ANP32A: variants seen among roughly 807,000 people sequenced by gnomAD.
ANP32A encodes acidic leucine-rich nuclear phosphoprotein 32 family member A.
Under a neutral mutation model 33.9 loss-of-function variants are expected in ANP32A, and 1 was observed. That is an observed-to-expected ratio of 0.03 (90% CI 0.01 to 0.14). The LOEUF is 0.14. Ranked by LOEUF, ANP32A falls within the 10% of genes least tolerant of loss-of-function variation. The pLI is 1.00. For synonymous variants in ANP32A, 115 were observed against 120.5 expected (o/e 0.95, Z 0.30); for missense variants, 155 against 306.0 (o/e 0.51, Z 3.68).
At chr15:68,820,115 C>G (rs1041758325) in intron 1 of ANP32A, among the ~76,000 whole-genome samples, 16 of 152,190 alleles carry the variant, frequency 1.1e-4, no homozygotes, top group African/African-American at 3.9e-4. Flanking sequence ...ACGCGCTCTC[C>G]CCGGGGGCCT....
rs1315731319 is a variant in ANP32A, at chr15:68,780,479, A to G, written c.625-6T>C. On this transcript the variant is annotated splice_region_variant and splice_polypyrimidine_tract_variant and intron_variant, in intron 5 of 6. Transcript: ENST00000465139. The surrounding 1 kb of genome is among the most constrained non-coding windows in gnomAD (Gnocchi z 4.3). The stretch of plus-strand genomic sequence containing the variant: ...TTATAACCTTCTTCATCCTCCTAGG[A>G]GAAAGGACAGACACCAGAACATTAG... 5 of 1,613,924 alleles carry G rather than the reference A, an allele frequency of 3.1e-6. No individual in the cohort carries two copies. Among genetic ancestry groups the G allele is most frequent in the Non-Finnish European group, 4.2e-6 (5 of 1,179,866 alleles).
chr15:68,784,343 G>T, intron 4 of ANP32A, 54 bp downstream of exon 4: 3 of 1,565,538 alleles, frequency 1.9e-6, no homozygotes, highest in Non-Finnish European at 1.7e-6. Context: ...CCAAGGACGA[G>T]CCCCAAGGCC....
intron 1 of ANP32A, among the ~76,000 whole-genome samples, chr15:68,797,677 T>G (rs944762392): frequency 6.6e-6 from 1 of 152,172 alleles, no homozygotes; most frequent in Non-Finnish European, 1.5e-5. Flanking sequence ...TGACATCACT[T>G]GGCATTGCAT....
chr15:68,805,015 G>T (rs990704982), intron 1 of ANP32A, among the ~76,000 whole-genome samples: 1 of 152,054 alleles, frequency 6.6e-6, no homozygotes, highest in African/African-American at 2.4e-5. Context: ...GGAGAGGTGG[G>T]GTCTGCTGCT....
In ANP32A at chr15:68,784,506, G is replaced by A. The variant is rs750331335; in HGVS notation, c.417C>T (p.Leu139=). The A allele has an allele frequency of 7.4e-6, 12 of 1,614,016 alleles. No individual in the cohort carries two copies. The highest frequency in any genetic ancestry group is 7.6e-6 in the Non-Finnish European group (9 of 1,180,036). ...AGCCGTCGAGATATGTGAGTTGCGG[G>A]AGGAGCTTGAACACATTTTCTCGGT... The part of the protein sequence containing the change: ...NDYRENVFKL[L]PQLTYLDGYD... The change falls in exon 4 of 7, where the codon CTC becomes CTT. Residue 139 remains leucine, a synonymous_variant. Transcript: ENST00000465139.
At chr15:68,817,889 C>CCCACAGCGACAACAG (rs1894407622) in intron 1 of ANP32A, among the ~76,000 whole-genome samples, 1 of 152,146 alleles carries the variant, frequency 6.6e-6, no homozygotes, top group Admixed American at 6.5e-5. Context: ...CCCCCCGCCC[C>CCCACAGCGACAACAG]CCACAGCGAC....
At chr15:68,820,293 G>A (rs1283330720) in intron 1 of ANP32A, among the ~76,000 whole-genome samples, 2 of 152,152 alleles carry the variant, frequency 1.3e-5, no homozygotes, top group Non-Finnish European at 2.9e-5. Context: ...AATCCAGGAG[G>A]CAGCCCCTCT....
At chr15:68,809,076 T>C (rs1041590870) in intron 1 of ANP32A, among the ~76,000 whole-genome samples, 1 of 152,126 alleles carries the variant, frequency 6.6e-6, no homozygotes, top group South Asian at 2.1e-4. Flanking sequence ...TCTCAGGACA[T>C]GGGCAGAGAG....
At chr15:68,814,574 G>C (rs952950985) in intron 1 of ANP32A, among the ~76,000 whole-genome samples, 3 of 152,144 alleles carry the variant, frequency 2.0e-5, no homozygotes, top group African/African-American at 7.2e-5. Context: ...TCATAACACA[G>C]GCTGCTGTTA....
intron 3 of ANP32A, among the ~76,000 whole-genome samples, chr15:68,786,544 G>A (rs918910401): frequency 3.3e-5 from 5 of 152,098 alleles, no homozygotes; most frequent in Admixed American, 2.0e-4. Flanking sequence ...AAAGGTGTGA[G>A]ATACCACGCC....
intron 1 of ANP32A, among the ~76,000 whole-genome samples, chr15:68,801,219 GAAA>G (rs745414575): frequency 9.0e-6 from 1 of 111,156 alleles, no homozygotes; most frequent in African/African-American, 3.4e-5. Flanking sequence ...AGAAGAAGAA[GAAA>G]AAAAAAAAAA....
chr15:68,787,227 T>G lies in ANP32A; in HGVS notation c.327+186A>C, dbSNP rs538840247. On this transcript the variant is annotated intron_variant, in intron 3 of 6. Coordinates refer to ENST00000465139, the MANE Select transcript of ANP32A (RefSeq NM_006305.4). ...CTGTCTGTGACCTTGGTCAAGGTAT[T>G]TAACTTCTCTGGGCCTCAGTTTCTC... 124 of 801,852 alleles carry G rather than the reference T, an allele frequency of 1.5e-4. No individual in the cohort carries two copies. The South Asian group carries it at 1.6e-3, about 10-fold the overall frequency. The allele number at this position is 801,852 out of a possible 1,614,324, so 49.7% of individuals were successfully genotyped here. A position where few individuals can be genotyped will look rare whatever the true frequency, so the allele number is the denominator to read the frequency against.
chr15:68,799,367 C>T (rs1228330286), intron 1 of ANP32A, among the ~76,000 whole-genome samples: 2 of 152,142 alleles, frequency 1.3e-5, no homozygotes, highest in Non-Finnish European at 2.9e-5. Flanking sequence ...GAGTTCCATC[C>T]TCTTCATCTG....
chr15:68,811,729 C>T (rs572254687), intron 1 of ANP32A, among the ~76,000 whole-genome samples: 8 of 152,236 alleles, frequency 5.3e-5, no homozygotes, highest in South Asian at 2.1e-4. Context: ...AATGTGTCTG[C>T]GGATAATGTA....
At chr15:68,793,810 C>A (rs1440979134) in intron 1 of ANP32A, among the ~76,000 whole-genome samples, 2 of 152,216 alleles carry the variant, frequency 1.3e-5, no homozygotes, top group East Asian at 1.9e-4. Flanking sequence ...GTGACAGCAG[C>A]GCATTAAACC....
Position 68,809,801 on chromosome 15 carries a change from T to C in ANP32A, c.54+10897A>G. Among the ~76,000 whole-genome samples the C allele has an allele frequency of 1.3e-5, 2 of 152,198 alleles. 1 individual carries two copies. The highest frequency in any genetic ancestry group is 2.9e-5 in the Non-Finnish European group (2 of 68,042). On this transcript the variant is annotated intron_variant, in intron 1 of 6. Coordinates refer to ENST00000465139, the MANE Select transcript of ANP32A (RefSeq NM_006305.4). Reference sequence around the variant, plus strand: ...GGTATAAGTACCACAGATCCTTCACTCCATCAGTACTTCTAGAATGCTTAC... The same window carrying C: ...GGTATAAGTACCACAGATCCTTCACCCCATCAGTACTTCTAGAATGCTTAC...
chr15:68,801,082 A>G (rs1194422314), intron 1 of ANP32A, among the ~76,000 whole-genome samples: 1 of 152,160 alleles, frequency 6.6e-6, no homozygotes, highest in African/African-American at 2.4e-5. Flanking sequence ...GACATTCCAC[A>G]TGCAACTGGT....
At chr15:68,815,109 A>G (rs540727651) in intron 1 of ANP32A, among the ~76,000 whole-genome samples, 32 of 152,322 alleles carry the variant, frequency 2.1e-4, no homozygotes, top group Middle Eastern at 6.8e-3. Flanking sequence ...GATTTCCACT[A>G]GGCACCAATT....
At chr15:68,795,872 T>G (rs1244943315) in intron 1 of ANP32A, among the ~76,000 whole-genome samples, 2 of 152,166 alleles carry the variant, frequency 1.3e-5, no homozygotes, top group Admixed American at 6.5e-5. Flanking sequence ...CTTCCCTGAC[T>G]GCCCAGCCTC....
Sources: allele counts gnomAD v4.1 joint callset (sites outside exome capture counted in the v4.1 genomes callset), GRCh38; gene constraint gnomAD v4.1.1; non-coding constraint Gnocchi (gnomAD v3.1); transcripts MANE v1.5; gene names NCBI Gene and HGNC (gene_info 2026-07-23, HGNC 2026-07-21).